The following IGF1R variants were observed in gnomAD, a reference collection of about 807,000 sequenced individuals.
The protein encoded by IGF1R is insulin like growth factor 1 receptor.
Under a neutral mutation model 144.6 loss-of-function variants are expected in IGF1R, and 44 were observed. The ratio of observed to expected loss-of-function variants is 0.30; its 90% confidence interval spans 0.24 to 0.39. The LOEUF (loss-of-function observed/expected upper bound fraction) is 0.39, where lower values mean the gene tolerates loss of function less well. Among genes scored for constraint, IGF1R ranks in the 10% least tolerant of loss-of-function variants. The pLI is 1.00. For synonymous variants in IGF1R, 795 were observed against 722.8 expected (o/e 1.10, Z -1.60); for missense variants, 1,355 against 1,833.7 (o/e 0.74, Z 4.77).
chr15:98,923,414 C>T (rs1211884053), intron 11 of IGF1R, among the ~76,000 whole-genome samples: 1 of 152,158 alleles, frequency 6.6e-6, no homozygotes, highest in African/African-American at 2.4e-5. Context: ...CGGAGGGTCC[C>T]TGTCACAGCC....
rs2056620615 is a variant in IGF1R at position 98,812,879 on chromosome 15, C to CAA, written c.641-78445_641-78444insAA. Among the ~76,000 whole-genome samples, 2 of 152,190 alleles carry CAA rather than the reference C, an allele frequency of 1.3e-5. 1 individual carries two copies. Among genetic ancestry groups the CAA allele is most frequent in the South Asian group, 4.1e-4 (2 of 4,830 alleles). ...CTTGACTCCAGAGGAGCTGCCTTCA[C>CAA]ACGTGCTGTGAAATGTACTGTTGTT... On this transcript the variant is annotated intron_variant, in intron 2 of 20. Coordinates refer to ENST00000650285, the MANE Select transcript of IGF1R (RefSeq NM_000875.5).
chr15:98,857,851 G>A (rs1203008260), intron 2 of IGF1R, among the ~76,000 whole-genome samples: 2 of 152,160 alleles, frequency 1.3e-5, no homozygotes, highest in African/African-American at 4.8e-5. Flanking sequence ...GGATAACTGA[G>A]ACCTGTACAT....
chr15:98,963,956 G>A lies in IGF1R; in HGVS notation c.*6514G>A, dbSNP rs2017327084. The A allele has an allele frequency of 4.3e-6, 1 of 233,334 alleles. No homozygotes were observed. Among genetic ancestry groups the A allele is most frequent in the East Asian group, 6.0e-5 (1 of 16,566 alleles). 14.5% of individuals were successfully genotyped at this position (233,334 alleles called of 1,614,324 possible). Reference sequence around the variant, plus strand: ...TTTGCGCTACATAGGAGAAAGATCTGGAAACTATTTGGGTTTTGTTTTCAA... The same window carrying A: ...TTTGCGCTACATAGGAGAAAGATCTAGAAACTATTTGGGTTTTGTTTTCAA... On this transcript the variant is annotated 3_prime_UTR_variant, in exon 21 of 21. Coordinates refer to ENST00000650285, the MANE Select transcript of IGF1R (RefSeq NM_000875.5).
rs955505031 is a variant in IGF1R, at chr15:98,958,763, C to T, written c.*1321C>T. 8.6e-6 allele frequency: 2 copies of T among 232,458 alleles called. No individual in the cohort carries two copies. Among genetic ancestry groups the T allele is most frequent in the Non-Finnish European group, 1.7e-5 (2 of 117,470 alleles). 14.4% of individuals were successfully genotyped at this position (232,458 alleles called of 1,614,324 possible). On this transcript the variant is annotated 3_prime_UTR_variant, in exon 21 of 21. Coordinates refer to ENST00000650285, the MANE Select transcript of IGF1R (RefSeq NM_000875.5). The stretch of plus-strand genomic sequence containing the variant: ...TGTGGATTTAATCTATGAAAACCTT[C>T]AGGTCCACCCTCTCCCCTTTCTGCT...
At chr15:98,724,510 C>T (rs182367835) in intron 2 of IGF1R, among the ~76,000 whole-genome samples, 4 of 152,330 alleles carry the variant, frequency 2.6e-5, no homozygotes, top group Admixed American at 6.5e-5. Context: ...GAGCCATCAC[C>T]GTCAGCTTTT....
At chr15:98,776,275 C>T (rs1283090867) in intron 2 of IGF1R, among the ~76,000 whole-genome samples, 1 of 151,752 alleles carries the variant, frequency 6.6e-6, no homozygotes, top group Non-Finnish European at 1.5e-5. Flanking sequence ...ACCTCCGCCT[C>T]CCGGGTTCCA....
chr15:98,865,592 T>G (rs2012391718), intron 2 of IGF1R, among the ~76,000 whole-genome samples: 1 of 152,178 alleles, frequency 6.6e-6, no homozygotes, highest in South Asian at 2.1e-4. Flanking sequence ...GGCTTTGTGG[T>G]TTGGGAAGAT....
chr15:98,947,523 A>G (rs898765945), intron 19 of IGF1R, among the ~76,000 whole-genome samples: 1 of 152,164 alleles, frequency 6.6e-6, no homozygotes, highest in Non-Finnish European at 1.5e-5. Flanking sequence ...TACTCCACCA[A>G]AGTGAACCAC....
chr15:98,957,483 A>G lies in IGF1R; in HGVS notation c.*41A>G. The G allele has an allele frequency of 6.2e-7, 1 of 1,610,100 alleles. No individual in the cohort carries two copies. Among genetic ancestry groups the G allele is most frequent in the African/African-American group, 1.3e-5 (1 of 74,966 alleles). On this transcript the variant is annotated 3_prime_UTR_variant, in exon 21 of 21. Transcript: ENST00000650285. ...TCTGTGCAAACAGTAACGTGTGCGC[A>G]CGCGCAGCGGGGTGGGGGGGGAGAG...
chr15:98,673,324 A>G (rs896388468), intron 1 of IGF1R, among the ~76,000 whole-genome samples: 2 of 152,268 alleles, frequency 1.3e-5, no homozygotes, highest in Admixed American at 1.3e-4. Context: ...TTGTTTGCAT[A>G]CTTCTCTTAG....
chr15:98,723,778 A>G (rs2054297073), intron 2 of IGF1R, among the ~76,000 whole-genome samples: 1 of 152,250 alleles, frequency 6.6e-6, no homozygotes, highest in Non-Finnish European at 1.5e-5. Flanking sequence ...AGCCTTCATT[A>G]GCATTATGGG....
intron 2 of IGF1R, among the ~76,000 whole-genome samples, chr15:98,790,064 A>G (rs568305090): frequency 1.1e-4 from 17 of 152,258 alleles, no homozygotes; most frequent in African/African-American, 3.9e-4. Flanking sequence ...AGCTCTGTTC[A>G]AGTGGCTCTG....
chr15:98,834,225 C>A (rs942568901), intron 2 of IGF1R, among the ~76,000 whole-genome samples: 5 of 152,182 alleles, frequency 3.3e-5, no homozygotes, highest in African/African-American at 1.2e-4. Context: ...AAGCCTGACT[C>A]TTGTCTTTAG....
chr15:98,664,090 A>G (rs1361453563), intron 1 of IGF1R, among the ~76,000 whole-genome samples: 1 of 152,208 alleles, frequency 6.6e-6, no homozygotes, highest in East Asian at 1.9e-4. Flanking sequence ...GGAGGGTGGT[A>G]TCATTTGGCC....
At chr15:98,691,077 G>GT (rs1424260136) in intron 1 of IGF1R, among the ~76,000 whole-genome samples, 1 of 152,138 alleles carries the variant, frequency 6.6e-6, no homozygotes, top group Non-Finnish European at 1.5e-5. Context: ...TGTCACCATG[G>GT]TAATTTGCCA....
At chr15:98,865,405 A>ATCGC (rs1004713594) in intron 2 of IGF1R, among the ~76,000 whole-genome samples, 3 of 152,194 alleles carry the variant, frequency 2.0e-5, no homozygotes, top group African/African-American at 7.2e-5. Context: ...CGCCGCCTGG[A>ATCGC]TCGCTGGCTG....
chr15:98,763,390 C>G (rs551947588), intron 2 of IGF1R, among the ~76,000 whole-genome samples: 16 of 151,734 alleles, frequency 1.1e-4, no homozygotes, highest in African/African-American at 3.6e-4. Flanking sequence ...CCTGGAGGGC[C>G]TTAGTTTGTT....
Position 98,960,982 on chromosome 15 carries a change from G to A in IGF1R, c.*3540G>A, listed in dbSNP as rs1272386982. The A allele has an allele frequency of 2.1e-5, 5 of 233,700 alleles. No individual in the cohort carries two copies. The highest frequency in any genetic ancestry group is 4.2e-5 in the Non-Finnish European group (5 of 118,138). The allele number at this position is 233,700 out of a possible 1,614,324, so 14.5% of individuals were successfully genotyped here. A position where few individuals can be genotyped will look rare whatever the true frequency, so the allele number is the denominator to read the frequency against. ...ACAGACGGCTCGCTCCCCTCTTCCA[G>A]CAGCTGCTCTTACAGGCACTGATGA... On this transcript the variant is annotated 3_prime_UTR_variant, in exon 21 of 21. Transcript: ENST00000650285.
chr15:98,728,645 T>C (rs2054422795), intron 2 of IGF1R, among the ~76,000 whole-genome samples: 1 of 152,246 alleles, frequency 6.6e-6, no homozygotes. Context: ...GTGCCTATGC[T>C]GATGCCCAGG....
Sources: allele counts gnomAD v4.1 joint callset (sites outside exome capture counted in the v4.1 genomes callset), GRCh38; gene constraint gnomAD v4.1.1; transcripts MANE v1.5; gene names NCBI Gene and HGNC (gene_info 2026-07-23, HGNC 2026-07-21).